The following ZNF671 variants were observed in gnomAD, a reference collection of about 807,000 sequenced individuals.
The protein encoded by ZNF671 is zinc finger protein 671.
Under a neutral mutation model 16.6 loss-of-function variants are expected in ZNF671, and 19 were observed. The ratio of observed to expected loss-of-function variants is 1.14; its 90% CI spans 0.80 to 1.68. The LOEUF (loss-of-function observed/expected upper bound fraction) is 1.68, where lower values mean the gene tolerates loss of function less well. Ranked by LOEUF, ZNF671 falls within the 40% of genes most tolerant of loss-of-function variation. The probability of loss-of-function intolerance (pLI) is 0.00; values close to 1 mark genes in which losing one functional copy is unlikely to be tolerated. For synonymous variants in ZNF671, 238 were observed against 236.3 expected (o/e 1.01, Z -0.06); for missense variants, 637 against 659.8 (o/e 0.97, Z 0.38).
At position 57,720,354 on chromosome 19, in the gene ZNF671, G is replaced by A. The variant is rs1034752692; in HGVS notation, c.*127C>T. 29 of 1,303,376 alleles carry A rather than the reference G, an allele frequency of 2.2e-5. No homozygotes were observed. The highest frequency in any genetic ancestry group is 5.9e-5 in the African/African-American group (4 of 67,324). The allele number at this position is 1,303,376 out of a possible 1,614,324, so 80.7% of individuals were successfully genotyped here. On this transcript the variant is annotated 3_prime_UTR_variant, in exon 4 of 4. Coordinates refer to ENST00000317398, the MANE Select transcript of ZNF671 (RefSeq NM_024833.3). Reference sequence around the variant, plus strand: ...TGTCCGGTGTGAAATTCCCAATGGCGGGTAAGGTTCAGCCTCCAGGGGAAG... The same window carrying A: ...TGTCCGGTGTGAAATTCCCAATGGCAGGTAAGGTTCAGCCTCCAGGGGAAG...
chr19:57,723,486 C>T, intron 1 of ZNF671, 146 bp from the exon 2 acceptor site: 1 of 879,282 alleles, frequency 1.1e-6, no homozygotes, highest in Non-Finnish European at 1.7e-6. Flanking sequence ...TCACTCTCTC[C>T]TGATCACCCC....
At position 57,720,173 on chromosome 19, in the gene ZNF671, A is replaced by G. The variant is rs1059397; in HGVS notation, c.*308T>C. 0.33 allele frequency: 119,707 copies of G among 364,084 alleles called. 20,365 individuals are homozygous for G. Among genetic ancestry groups the G allele is most frequent in the Non-Finnish European group, 0.34 (66,911 of 197,578 alleles). The allele number at this position is 364,084 out of a possible 1,614,324, so 22.6% of individuals were successfully genotyped here. On this transcript the variant is annotated 3_prime_UTR_variant, in exon 4 of 4. Coordinates refer to ENST00000317398, the MANE Select transcript of ZNF671 (RefSeq NM_024833.3). ...CTGCTGAAAGCATCTCACATACTTG[A>G]CACTCACAGGGAATCTCCCCAGTGG...
Position 57,721,343 on chromosome 19 carries a change from C to G in ZNF671, c.743G>C (p.Arg248Thr). Residue 248 changes from arginine to threonine, a missense_variant, in exon 4 of 4, where the codon AGA becomes ACA. Arg to Thr is a moderately conservative substitution (Grantham distance 71, BLOSUM62 -1). Transcript: ENST00000317398. ...EKTLTCGKGR[R>T]DFSATSGLLQ... ...AAGGCCAGATGTGGCTGAAAAGTCT[C>G]TCCTACCTTTCCCACATGTGAGGGT... is the stretch of plus-strand genomic sequence containing the variant. 1 of 1,611,034 alleles carries G rather than the reference C, an allele frequency of 6.2e-7. No homozygotes were observed. The highest frequency in any genetic ancestry group is 8.5e-7 in the Non-Finnish European group (1 of 1,177,730).
chr19:57,722,878 G>C (rs1985925325), intron 2 of ZNF671, among the ~76,000 whole-genome samples: 1 of 151,868 alleles, frequency 6.6e-6, no homozygotes, highest in Admixed American at 6.6e-5. Flanking sequence ...TTGGGCAACA[G>C]AGCCAGACCC....
rs1453027074 is a variant in ZNF671, at chr19:57,722,297, T to C, written c.388+19A>G. The stretch of plus-strand genomic sequence containing the variant: ...TGAACCCAGCTTTGACATCGTGCCC[T>C]TCCCCGATGTCCACTCACCAGGTCT... On this transcript the variant is annotated intron_variant, in intron 3 of 3. Transcript: ENST00000317398. 2 of 1,613,074 alleles carry C rather than the reference T, an allele frequency of 1.2e-6. No homozygotes were observed. Among genetic ancestry groups the C allele is most frequent in the Non-Finnish European group, 1.7e-6 (2 of 1,179,672 alleles).
At position 57,723,350 on chromosome 19, in the gene ZNF671, A is replaced by T. The variant is rs1158916805; in HGVS notation, c.139-10T>A. ...CAAAGACCACACAGCCCTGCAACAAAAGGGACAGGAAGGACCATAAAAAGT... is the reference window on the plus strand; with the variant it reads ...CAAAGACCACACAGCCCTGCAACAATAGGGACAGGAAGGACCATAAAAAGT... On this transcript the variant is annotated splice_polypyrimidine_tract_variant and intron_variant, in intron 1 of 3. Coordinates refer to ENST00000317398, the MANE Select transcript of ZNF671 (RefSeq NM_024833.3). 4 of 1,596,818 alleles carry T rather than the reference A, an allele frequency of 2.5e-6. No homozygotes were observed. The East Asian group carries it at 9.0e-5, about 36-fold the overall frequency.
intron 1 of ZNF671, among the ~76,000 whole-genome samples, chr19:57,725,013 A>G (rs1461652841): frequency 2.6e-5 from 4 of 152,220 alleles, no homozygotes; most frequent in African/African-American, 9.6e-5. Context: ...AATGTAGTAC[A>G]TCCTAAGTTC....
chr19:57,721,148 T>A lies in ZNF671; in HGVS notation c.938A>T (p.Tyr313Phe). The A allele has an allele frequency of 6.2e-7, 1 of 1,614,176 alleles. No homozygotes were observed. Among genetic ancestry groups the A allele is most frequent in the Non-Finnish European group, 8.5e-7 (1 of 1,180,002 alleles). Residue 313 changes from tyrosine (Y) to phenylalanine (F), a missense_variant, in exon 4 of 4, where the codon TAT (tyrosine) becomes TTT (phenylalanine). By Grantham distance (22) the Tyr-to-Phe change is conservative (BLOSUM62 3). Coordinates refer to ENST00000317398, the MANE Select transcript of ZNF671 (RefSeq NM_024833.3). Reference protein sequence around the residue: ...HQRIHTGERPYECNECGKFFS... With the variant: ...HQRIHTGERPFECNECGKFFS... ...GAATTTCCCACATTCGTTACACTCATAAGGCCTTTCTCCAGTGTGGATTCT... is the reference window on the plus strand; with the variant it reads ...GAATTTCCCACATTCGTTACACTCAAAAGGCCTTTCTCCAGTGTGGATTCT...
At position 57,721,235 on chromosome 19, in the gene ZNF671, T is replaced by TA; in HGVS notation, c.850dup (p.Tyr284LeufsTer6). 6.2e-7 allele frequency: 1 copy of TA among 1,601,764 alleles called. No homozygotes were observed. Among genetic ancestry groups the TA allele is most frequent in the Admixed American group, 1.7e-5 (1 of 59,562 alleles). On this transcript the variant is annotated frameshift_variant, in exon 4 of 4. Coordinates refer to ENST00000317398, the MANE Select transcript of ZNF671 (RefSeq NM_024833.3). LOFTEE classifies it low-confidence loss of function (END_TRUNC). ...TTTCCCACATTCACCACACCTGTGA[T>TA]ACCTCTGTCCCATGAGAAAGCCACT...
chr19:57,725,128 T>A (rs919688848), intron 1 of ZNF671, among the ~76,000 whole-genome samples: 1 of 150,916 alleles, frequency 6.6e-6, no homozygotes, highest in Admixed American at 6.6e-5. Context: ...TCTACTACAC[T>A]AGGCAAGACT....
Position 57,721,426 on chromosome 19 carries a change from G to C in ZNF671, c.660C>G (p.Phe220Leu). ...HQNQPNGGKLFPRKEGRDSVK... is the reference protein window; with the variant it reads ...HQNQPNGGKLLPRKEGRDSVK... ...CAGAGTCTCTGCCCTCCTTCCTTGG[G>C]AAAAGTTTCCCTCCATTGGGCTGGT... Residue 220 changes from phenylalanine to leucine, a missense_variant, in exon 4 of 4, where the codon TTC becomes TTG. Phe to Leu is a conservative substitution (Grantham distance 22, BLOSUM62 0). Coordinates refer to ENST00000317398, the MANE Select transcript of ZNF671 (RefSeq NM_024833.3). 6.2e-7 allele frequency: 1 copy of C among 1,614,196 alleles called. No homozygotes were observed. Among genetic ancestry groups the C allele is most frequent in the African/African-American group, 1.3e-5 (1 of 75,046 alleles).
rs2122455569 is a variant in ZNF671, at chr19:57,721,346, C to G, written c.740G>C (p.Arg247Thr). 6.2e-7 allele frequency: 1 copy of G among 1,611,358 alleles called. No homozygotes were observed. Among genetic ancestry groups the G allele is most frequent in the East Asian group, 2.2e-5 (1 of 44,810 alleles). ...GCCAGATGTGGCTGAAAAGTCTCTC[C>G]TACCTTTCCCACATGTGAGGGTCTT... ...PEKTLTCGKG[R>T]RDFSATSGLL... Residue 247 changes from arginine (R) to threonine (T), a missense_variant, in exon 4 of 4, where the codon AGG (arginine) becomes ACG (threonine). Coordinates refer to ENST00000317398, the MANE Select transcript of ZNF671 (RefSeq NM_024833.3).
In ZNF671 at chr19:57,721,121, A is replaced by T; in HGVS notation, c.965T>A (p.Phe322Tyr). 1 of 1,614,164 alleles carries T rather than the reference A, an allele frequency of 6.2e-7. No individual in the cohort carries two copies. The highest frequency in any genetic ancestry group is 8.5e-7 in the Non-Finnish European group (1 of 1,180,020). Residue 322 changes from phenylalanine to tyrosine, a missense_variant, in exon 4 of 4, where the codon TTC becomes TAC. Coordinates refer to ENST00000317398, the MANE Select transcript of ZNF671 (RefSeq NM_024833.3). Reference protein sequence around the residue: ...PYECNECGKFFSQSYDLFKHQ... With the variant: ...PYECNECGKFYSQSYDLFKHQ... ...TTTAAAGAGGTCATAGCTTTGGCTG[A>T]AGAATTTCCCACATTCGTTACACTC...
In ZNF671 at chr19:57,721,168, G is replaced by C. The variant is rs773003160; in HGVS notation, c.918C>G (p.Ile306Met). ...RKDTLARHQR[I>M]HTGERPYECN... ...ACTCATAAGGCCTTTCTCCAGTGTG[G>C]ATTCTCTGATGCCGAGCAAGTGTGT... Residue 306 changes from isoleucine to methionine, a missense_variant, in exon 4 of 4, where the codon ATC (isoleucine) becomes ATG (methionine). Transcript: ENST00000317398. 1.2e-6 allele frequency: 2 copies of C among 1,613,678 alleles called. No individual in the cohort carries two copies. The highest frequency in any genetic ancestry group is 4.5e-5 in the East Asian group (2 of 44,884).
Position 57,727,549 on chromosome 19 carries a change from ACCT to A in ZNF671, c.-24_-22del. 6.3e-7 allele frequency: 1 copy of A among 1,581,718 alleles called. No individual in the cohort carries two copies. ...AACATCTCCTCCGCGCTTTCCCAACACCTCCACCTGCGGCCCACACAAGCGTTA... is the reference window on the plus strand; with the variant it reads ...AACATCTCCTCCGCGCTTTCCCAACACCACCTGCGGCCCACACAAGCGTTA... On this transcript the variant is annotated 5_prime_UTR_variant, in exon 1 of 4. Transcript: ENST00000317398.
intron 2 of ZNF671, 81 bp from the exon 3 acceptor site, chr19:57,722,519 T>C: frequency 6.3e-7 from 1 of 1,579,768 alleles, no homozygotes; most frequent in Admixed American, 1.8e-5. Context: ...GTAAGAAAAA[T>C]AACCTGGGAG....
intron 1 of ZNF671, among the ~76,000 whole-genome samples, chr19:57,726,574 G>T (rs1986056341): frequency 6.6e-6 from 1 of 151,938 alleles, no homozygotes; most frequent in African/African-American, 2.4e-5. Context: ...TTACCCCAGA[G>T]ATATGAAATA....
intron 1 of ZNF671, 86 bp downstream of exon 1, chr19:57,727,305 C>G: frequency 6.8e-7 from 1 of 1,474,050 alleles, no homozygotes; most frequent in African/African-American, 1.4e-5. Flanking sequence ...GAGTGCGTCG[C>G]TGTCCTGGGA....
In ZNF671 at chr19:57,722,368, C is replaced by G. The variant is rs34235290; in HGVS notation, c.336G>C (p.Gln112His). Residue 112 changes from glutamine to histidine, a missense_variant, in exon 3 of 4, where the codon CAG (glutamine) becomes CAC (histidine). Coordinates refer to ENST00000317398, the MANE Select transcript of ZNF671 (RefSeq NM_024833.3). ...TTTCTGTGGCTGAAGTCATATCCACCTGGTCATACACCCAGGGCTCTTCTC... is the reference window on the plus strand; with the variant it reads ...TTTCTGTGGCTGAAGTCATATCCACGTGGTCATACACCCAGGGCTCTTCTC... ...ERGEEPWVYD[Q>H]VDMTSATERE... 9.9e-5 allele frequency: 159 copies of G among 1,614,180 alleles called. 1 individual carries two copies. The African/African-American group carries it at 1.9e-3, about 20-fold the overall frequency.
Sources: gnomAD v4.1 joint callset for allele counts (sites outside exome capture counted in the v4.1 genomes callset) on GRCh38, gnomAD v4.1.1 for gene constraint, MANE v1.5 for transcripts, NCBI Gene and HGNC (gene_info 2026-07-23, HGNC 2026-07-21) for gene names.